Variants in NEGR1 observed in about 807,000 individuals in gnomAD.
NEGR1 encodes neuronal growth regulator 1, also known as IgLON family member 4.
NEGR1 carries 10 observed loss-of-function variants against 40.9 expected under a neutral mutation model. That is an observed-to-expected ratio of 0.24 (90% confidence interval 0.15 to 0.42). The LOEUF is 0.42. Ranked by LOEUF, NEGR1 falls within the 10% of genes least tolerant of loss-of-function variation. The probability of loss-of-function intolerance (pLI) is 1.00; values close to 1 mark genes in which losing one functional copy is unlikely to be tolerated. For missense variants in NEGR1, 352 were observed against 438.9 expected (o/e 0.80, Z 1.77); for synonymous variants, 185 against 166.8 (o/e 1.11, Z -0.84).
chr1:71,854,427 C>T (rs1032578217), intron 2 of NEGR1, among the ~76,000 whole-genome samples: 34 of 151,812 alleles, frequency 2.2e-4, no homozygotes, highest in Non-Finnish European at 2.6e-4. Flanking sequence ...CATTTTTGTA[C>T]CCCACATCTA....
At chr1:71,766,110 T>C (rs561545076) in intron 3 of NEGR1, among the ~76,000 whole-genome samples, 4 of 149,090 alleles carry the variant, frequency 2.7e-5, no homozygotes, top group African/African-American at 7.4e-5. Context: ...GAAGTGGAGG[T>C]TGCAGTGAGC....
chr1:72,230,134 A>G (rs1464083968), intron 1 of NEGR1, among the ~76,000 whole-genome samples: 2 of 152,136 alleles, frequency 1.3e-5, no homozygotes, highest in African/African-American at 4.8e-5. Flanking sequence ...CAAGCAGTCC[A>G]AAGTTCATGC....
chr1:71,606,537 C>A (rs1650081740), intron 5 of NEGR1, among the ~76,000 whole-genome samples: 1 of 152,148 alleles, frequency 6.6e-6, no homozygotes, highest in Admixed American at 6.5e-5. Flanking sequence ...CAATAGATAA[C>A]TAATAATGGC....
chr1:71,601,899 C>T (rs1649931635), intron 5 of NEGR1, among the ~76,000 whole-genome samples: 1 of 152,088 alleles, frequency 6.6e-6, no homozygotes, highest in Non-Finnish European at 1.5e-5. Context: ...ACCCAAACCT[C>T]ACCATTATGC....
intron 1 of NEGR1, among the ~76,000 whole-genome samples, chr1:71,991,193 A>G (rs1271656562): frequency 6.6e-6 from 1 of 152,142 alleles, no homozygotes; most frequent in Admixed American, 6.5e-5. Context: ...TTTATTCACA[A>G]CTACTCTTTT....
At chr1:71,722,338 T>G (rs543939930) in intron 3 of NEGR1, among the ~76,000 whole-genome samples, 2 of 152,228 alleles carry the variant, frequency 1.3e-5, no homozygotes, top group South Asian at 2.1e-4. Flanking sequence ...TGGTAAATTA[T>G]TTTAATTTAT....
chr1:71,734,904 C>T (rs1654997825), intron 3 of NEGR1, among the ~76,000 whole-genome samples: 1 of 130,494 alleles, frequency 7.7e-6, no homozygotes, highest in African/African-American at 2.6e-5. Context: ...CTTCAGTTAC[C>T]TTAACTTTTT....
chr1:71,919,458 C>G lies in NEGR1; in HGVS notation c.409+15621G>C, dbSNP rs3795701. Reference sequence around the variant, plus strand: ...TAGATGTTACCAAATTCTCTATTAGCTAATCTTTTTTGTCTTTCTAATACA... The same window carrying G: ...TAGATGTTACCAAATTCTCTATTAGGTAATCTTTTTTGTCTTTCTAATACA... On this transcript the variant is annotated intron_variant, in intron 2 of 6. Transcript: ENST00000357731. 1.6e-4 allele frequency among the ~76,000 whole-genome samples: 24 copies of G among 151,004 alleles called. 1 individual carries two copies. In the East Asian group the frequency reaches 4.3e-3, roughly 27 times the overall value.
rs1302190207 is a variant in NEGR1 at position 71,581,315 on chromosome 1, G to T, written c.940+11502C>A. Among the ~76,000 whole-genome samples, 2 of 152,094 alleles carry T rather than the reference G, an allele frequency of 1.3e-5. 1 individual carries two copies. The highest frequency in any genetic ancestry group is 3.9e-4 in the East Asian group (2 of 5,192). On this transcript the variant is annotated intron_variant, in intron 6 of 6. Transcript: ENST00000357731. ...TCGAGACTTAAGAAAATGATGAAGT[G>T]AATATTAATAGGGATTAAACGTAAT...
At chr1:71,732,720 AT>A (rs1223295593) in intron 3 of NEGR1, among the ~76,000 whole-genome samples, 1 of 152,180 alleles carries the variant, frequency 6.6e-6, no homozygotes, top group Admixed American at 6.5e-5. Flanking sequence ...TGACTGACAC[AT>A]AAGTCCTCAA....
chr1:72,262,519 G>C (rs1655493475), intron 1 of NEGR1, among the ~76,000 whole-genome samples: 1 of 151,926 alleles, frequency 6.6e-6, no homozygotes, highest in Non-Finnish European at 1.5e-5. Context: ...GAGGACAAGA[G>C]ATTTTTCGTT....
intron 1 of NEGR1, among the ~76,000 whole-genome samples, chr1:72,174,757 T>A (rs955720342): frequency 7.9e-5 from 12 of 151,766 alleles, no homozygotes; most frequent in Non-Finnish European, 1.5e-5. Context: ...CTTATAAAAT[T>A]AAAAAAAATT....
chr1:71,884,260 C>T (rs183378131), intron 2 of NEGR1, among the ~76,000 whole-genome samples: 104 of 152,154 alleles, frequency 6.8e-4, no homozygotes, highest in African/African-American at 2.4e-3. Context: ...TGATATTTTG[C>T]CTCACTTCTT....
chr1:71,704,359 C>A (rs761619609), intron 3 of NEGR1, among the ~76,000 whole-genome samples: 3 of 151,860 alleles, frequency 2.0e-5, no homozygotes, highest in Non-Finnish European at 4.4e-5. Flanking sequence ...AAAGCAAAAG[C>A]TGGTTCTTTA....
chr1:71,476,320 A>G (rs1167383165), intron 6 of NEGR1, among the ~76,000 whole-genome samples: 2 of 152,116 alleles, frequency 1.3e-5, no homozygotes, highest in Non-Finnish European at 2.9e-5. Flanking sequence ...CATTTTTGAC[A>G]ACAAAAATTA....
intron 2 of NEGR1, among the ~76,000 whole-genome samples, chr1:71,868,802 C>T (rs1416245070): frequency 6.6e-6 from 1 of 151,984 alleles, no homozygotes; most frequent in African/African-American, 2.4e-5. Flanking sequence ...ATACTCTCTT[C>T]CTCTCTCACT....
chr1:71,712,617 A>T (rs889693688), intron 3 of NEGR1, among the ~76,000 whole-genome samples: 2 of 152,184 alleles, frequency 1.3e-5, no homozygotes, highest in Admixed American at 1.3e-4. Flanking sequence ...TTCATAAAAA[A>T]TTATGTGAGG....
intron 2 of NEGR1, among the ~76,000 whole-genome samples, chr1:71,785,333 T>G (rs1213729808): frequency 6.6e-6 from 1 of 152,146 alleles, no homozygotes; most frequent in Non-Finnish European, 1.5e-5. Context: ...TGAAATACCT[T>G]ACAGCACACT....
intron 3 of NEGR1, among the ~76,000 whole-genome samples, chr1:71,734,074 G>C (rs1048893757): frequency 1.3e-5 from 2 of 152,162 alleles, no homozygotes; most frequent in African/African-American, 4.8e-5. Flanking sequence ...TTGTAGTACA[G>C]GAAGGTTGGG....
Sources: gnomAD v4.1 joint callset for allele counts (sites outside exome capture counted in the v4.1 genomes callset) on GRCh38, gnomAD v4.1.1 for gene constraint, MANE v1.5 for transcripts, NCBI Gene and HGNC (gene_info 2026-07-23, HGNC 2026-07-21) for gene names.